Variants in TENM2 observed in about 807,000 individuals in gnomAD.
TENM2 encodes the protein teneurin-2.
Under a neutral mutation model 245.2 loss-of-function variants are expected in TENM2, and 52 were observed. The observed-to-expected ratio is 0.21, with a 90% CI of 0.17 to 0.27. TENM2 has a LOEUF of 0.27. TENM2 is among the 10% of genes least tolerant of loss of function. TENM2 has a pLI of 1.00. For synonymous variants in TENM2, 1,363 were observed against 1,438.9 expected, an observed-to-expected ratio of 0.95 and a Z score of 1.19; for missense variants, 3,046 against 3,666.8, an observed-to-expected ratio of 0.83 and a Z score of 4.37.
At chr5:168,192,860 C>A (rs1167980973) in intron 14 of TENM2, among the ~76,000 whole-genome samples, 1 of 152,176 alleles carries the variant, frequency 6.6e-6, no homozygotes, top group Non-Finnish European at 1.5e-5. Context: ...CCTCTGAAGG[C>A]CTGTTTCAAT....
At chr5:167,531,512 C>A (rs889913880) in intron 2 of TENM2, among the ~76,000 whole-genome samples, 2 of 151,640 alleles carry the variant, frequency 1.3e-5, no homozygotes, top group Non-Finnish European at 2.9e-5. Context: ...TTAAGATACT[C>A]TCTCAGTAAT....
At chr5:167,987,391 G>A (rs999836794) in intron 4 of TENM2, among the ~76,000 whole-genome samples, 3 of 151,230 alleles carry the variant, frequency 2.0e-5, no homozygotes, top group Admixed American at 6.6e-5. Flanking sequence ...GCAATGGCAC[G>A]GTCTCAGCTC....
At chr5:168,123,943 A>G (rs568951216) in intron 10 of TENM2, among the ~76,000 whole-genome samples, 3 of 152,208 alleles carry the variant, frequency 2.0e-5, no homozygotes, top group Non-Finnish European at 4.4e-5. Context: ...GTTTGATATC[A>G]TATTCTCATG....
intron 2 of TENM2, among the ~76,000 whole-genome samples, chr5:167,790,147 C>T (rs758002429): frequency 2.0e-5 from 3 of 152,000 alleles, no homozygotes; most frequent in Non-Finnish European, 4.4e-5. Context: ...AGCCATGCCC[C>T]GGCTTTGATT....
At chr5:167,400,460 G>A (rs1056885853) in intron 2 of TENM2, among the ~76,000 whole-genome samples, 1 of 152,126 alleles carries the variant, frequency 6.6e-6, no homozygotes, top group Non-Finnish European at 1.5e-5. Context: ...GAAACAGGAA[G>A]TTTGGTTTTG....
intron 3 of TENM2, among the ~76,000 whole-genome samples, chr5:167,910,120 C>T (rs1776434840): frequency 1.3e-5 from 2 of 152,122 alleles, no homozygotes; most frequent in South Asian, 4.2e-4. Flanking sequence ...AATGTTCTCT[C>T]ATGGTTTTGG....
intron 2 of TENM2, among the ~76,000 whole-genome samples, chr5:167,499,559 T>G (rs1298878683): frequency 6.6e-6 from 1 of 152,228 alleles, no homozygotes; most frequent in Non-Finnish European, 1.5e-5. Flanking sequence ...TGGGTACATT[T>G]GAGTTCATTT....
chr5:168,258,707 G>A (rs1767912175), intron 27 of TENM2, among the ~76,000 whole-genome samples: 1 of 152,144 alleles, frequency 6.6e-6, no homozygotes, highest in African/African-American at 2.4e-5. Context: ...CAGACAGAAA[G>A]CAGTTTGTGG....
intron 9 of TENM2, among the ~76,000 whole-genome samples, chr5:168,108,233 G>A (rs559540085): frequency 3.9e-5 from 6 of 152,270 alleles, no homozygotes; most frequent in South Asian, 4.1e-4. Flanking sequence ...AAAAAAGAAT[G>A]AAAGAAAAGT....
chr5:168,058,007 C>T (rs1055995547), intron 6 of TENM2, among the ~76,000 whole-genome samples: 3 of 152,046 alleles, frequency 2.0e-5, no homozygotes, highest in Non-Finnish European at 4.4e-5. Context: ...GTAGTTATAC[C>T]TTTTACAGAC....
At chr5:167,341,240 T>A (rs1561875843) in intron 1 of TENM2, among the ~76,000 whole-genome samples, 1 of 152,320 alleles carries the variant, frequency 6.6e-6, no homozygotes, top group South Asian at 2.1e-4. Context: ...AAGGGGATTT[T>A]ATTTTATTTT....
chr5:168,144,809 G>A (rs1237416889), intron 12 of TENM2, among the ~76,000 whole-genome samples: 2 of 152,116 alleles, frequency 1.3e-5, no homozygotes, highest in African/African-American at 4.8e-5. Flanking sequence ...GTGTAAAAGT[G>A]TTCCTATTTC....
the TENM2 span, among the ~76,000 whole-genome samples, chr5:167,123,346 AG>A: frequency 6.6e-6 from 1 of 152,144 alleles, no homozygotes; most frequent in Non-Finnish European, 1.5e-5. Flanking sequence ...AACAAACAAA[AG>A]AAAACAACAA....
At chr5:167,206,621 A>G in the TENM2 span, among the ~76,000 whole-genome samples, 1 of 152,224 alleles carries the variant, frequency 6.6e-6, no homozygotes, top group Non-Finnish European at 1.5e-5. Flanking sequence ...CTGTAAAATG[A>G]GCTGTTAAAA....
chr5:167,111,940 C>T, the TENM2 span, among the ~76,000 whole-genome samples: 1 of 152,144 alleles, frequency 6.6e-6, no homozygotes. Flanking sequence ...CTAATTTGTT[C>T]ACTTGGCCAT....
intron 1 of TENM2, among the ~76,000 whole-genome samples, chr5:167,332,525 G>A (rs1008646852): frequency 3.3e-5 from 5 of 152,132 alleles, no homozygotes; most frequent in Non-Finnish European, 5.9e-5. Context: ...TGTTGCAGGG[G>A]AAGGGTCGGA....
At chr5:167,180,044 C>T in the TENM2 span, among the ~76,000 whole-genome samples, 1 of 150,960 alleles carries the variant, frequency 6.6e-6, no homozygotes, top group Non-Finnish European at 1.5e-5. Context: ...TGACCTGGTC[C>T]TTTGGCTGTG....
chr5:167,973,618 C>A (rs1218730904), intron 4 of TENM2, among the ~76,000 whole-genome samples: 1 of 152,146 alleles, frequency 6.6e-6, no homozygotes, highest in Non-Finnish European at 1.5e-5. Context: ...GTCAGGGAAG[C>A]CTGGCTGGCA....
chr5:167,928,443 G>A (rs1326745083), intron 3 of TENM2, among the ~76,000 whole-genome samples: 3 of 152,126 alleles, frequency 2.0e-5, no homozygotes, highest in Non-Finnish European at 4.4e-5. Flanking sequence ...AGAGCTGTGG[G>A]AGAGAGAGAG....
Sources: allele counts gnomAD v4.1 joint callset (sites outside exome capture counted in the v4.1 genomes callset), GRCh38; gene constraint gnomAD v4.1.1; transcripts MANE v1.5; gene names NCBI Gene and HGNC (gene_info 2026-07-23, HGNC 2026-07-21).